Variants in ZNRF1 observed in about 807,000 individuals in gnomAD.
The protein encoded by ZNRF1 is E3 ubiquitin-protein ligase ZNRF1.
In ZNRF1, 3 loss-of-function variants were observed where a neutral mutation model predicts 18.4. The ratio of observed to expected loss-of-function variants is 0.16; its 90% CI spans 0.07 to 0.42. The LOEUF (loss-of-function observed/expected upper bound fraction) is 0.42. Ranked by LOEUF, ZNRF1 falls within the 10% of genes least tolerant of loss-of-function variation. The pLI is 0.99. For synonymous variants in ZNRF1, 157 were observed against 144.2 expected, an observed-to-expected ratio of 1.09 and a Z score of -0.64; for missense variants, 310 against 329.8, an observed-to-expected ratio of 0.94 and a Z score of 0.47.
chr16:75,031,340 C>G (rs1001809717), intron 1 of ZNRF1, among the ~76,000 whole-genome samples: 1 of 152,052 alleles, frequency 6.6e-6, no homozygotes, highest in African/African-American at 2.4e-5. Context: ...CCATGTTGGT[C>G]AGGATGGTCT....
At chr16:75,019,491 C>T (rs919040396) in intron 1 of ZNRF1, among the ~76,000 whole-genome samples, 1 of 151,858 alleles carries the variant, frequency 6.6e-6, no homozygotes, top group Non-Finnish European at 1.5e-5. Context: ...CTGATTGTTT[C>T]GTTTTTATTT....
In ZNRF1 at chr16:75,108,304, A is replaced by C. The variant is rs2036341149; in HGVS notation, c.*604A>C. The C allele has an allele frequency of 3.0e-6, 1 of 332,730 alleles. No homozygotes were observed. Among genetic ancestry groups the C allele is most frequent in the East Asian group, 4.7e-5 (1 of 21,104 alleles). The allele number at this position is 332,730 out of a possible 1,614,324, so 20.6% of individuals were successfully genotyped here. ...CTAATATCTTGACTTCATTGCCAAA[A>C]AACAACCCATTGAGAACTTTCTTCC... On this transcript the variant is annotated 3_prime_UTR_variant, in exon 5 of 5. Transcript: ENST00000335325.
chr16:75,026,228 C>T (rs2035222194), intron 1 of ZNRF1, among the ~76,000 whole-genome samples: 1 of 151,784 alleles, frequency 6.6e-6, no homozygotes, highest in African/African-American at 2.4e-5. Context: ...TAAAATATTC[C>T]TAAAAAAGAA....
chr16:75,056,162 T>C (rs906164486), intron 1 of ZNRF1, among the ~76,000 whole-genome samples: 2 of 152,208 alleles, frequency 1.3e-5, no homozygotes, highest in African/African-American at 4.8e-5. Flanking sequence ...AGTTTGAAGT[T>C]TAAGGATCCA....
chr16:75,060,445 C>T (rs576086551), intron 1 of ZNRF1, among the ~76,000 whole-genome samples: 2 of 148,312 alleles, frequency 1.3e-5, no homozygotes, highest in East Asian at 2.1e-4. Context: ...ACCATGAAAT[C>T]CACCCTAGCA....
chr16:75,079,266 G>A (rs923151024), intron 1 of ZNRF1, among the ~76,000 whole-genome samples: 1 of 152,140 alleles, frequency 6.6e-6, no homozygotes, highest in Non-Finnish European at 1.5e-5. Context: ...CGGATCACAA[G>A]GTCAAAAGAT....
At position 75,022,086 on chromosome 16, in the gene ZNRF1, G is replaced by A. The variant is rs117137605; in HGVS notation, c.424+21991G>A. 1.6e-4 allele frequency among the ~76,000 whole-genome samples: 24 copies of A among 152,104 alleles called. No individual in the cohort carries two copies. The East Asian group carries it at 3.3e-3, about 21-fold the overall frequency. Reference sequence around the variant, plus strand: ...TTCCGTCCGTCCATCCATCCGTCTCGCTCTGTTGCTCACGCTGGAGTGGGC... The same window carrying A: ...TTCCGTCCGTCCATCCATCCGTCTCACTCTGTTGCTCACGCTGGAGTGGGC... On this transcript the variant is annotated intron_variant, in intron 1 of 4. Coordinates refer to ENST00000335325, the MANE Select transcript of ZNRF1 (RefSeq NM_032268.5).
intron 1 of ZNRF1, among the ~76,000 whole-genome samples, chr16:75,018,564 GC>G (rs1307408426): frequency 4.0e-5 from 6 of 151,804 alleles, no homozygotes; most frequent in Non-Finnish European, 8.8e-5. Context: ...TTGGTATATT[GC>G]CTTTATTCTC....
At chr16:75,021,931 TG>T (rs1342953609) in intron 1 of ZNRF1, among the ~76,000 whole-genome samples, 2 of 152,358 alleles carry the variant, frequency 1.3e-5, no homozygotes, top group East Asian at 3.9e-4. Context: ...TCCCTCCTTT[TG>T]AAAATCCTAG....
intron 1 of ZNRF1, among the ~76,000 whole-genome samples, chr16:75,013,954 C>T (rs1007271762): frequency 2.0e-5 from 3 of 151,928 alleles, no homozygotes; most frequent in Admixed American, 2.0e-4. Flanking sequence ...CTCAGCCTCC[C>T]GAGTAGTTGG....
rs188579306 is a variant in ZNRF1 at position 75,013,366 on chromosome 16, G to A, written c.424+13271G>A. On this transcript the variant is annotated intron_variant, in intron 1 of 4. Transcript: ENST00000335325. ...TCCATTCAATTTTTTTTTTTTTTCC[G>A]AGATGGAGTCTCACTCTGTCGCCAG... Among the ~76,000 whole-genome samples the A allele has an allele frequency of 7.6e-3, 1,101 of 145,294 alleles. 12 individuals carry two copies. Among genetic ancestry groups the A allele is most frequent in the African/African-American group, 0.028 (1,065 of 37,846 alleles).
At chr16:75,065,509 G>A (rs1284890839) in intron 1 of ZNRF1, among the ~76,000 whole-genome samples, 1 of 152,180 alleles carries the variant, frequency 6.6e-6, no homozygotes, top group African/African-American at 2.4e-5. Context: ...GGGGCGACTT[G>A]TTTTTAATTA....
chr16:75,031,894 T>A (rs1320489603), intron 1 of ZNRF1, among the ~76,000 whole-genome samples: 1 of 152,098 alleles, frequency 6.6e-6, no homozygotes, highest in Non-Finnish European at 1.5e-5. Flanking sequence ...GTAACTTTAA[T>A]TGAATCTTTT....
Position 74,999,601 on chromosome 16 carries a change from TC to T in ZNRF1, c.-66del. 8.8e-7 allele frequency: 1 copy of T among 1,131,064 alleles called. No homozygotes were observed. Among genetic ancestry groups the T allele is most frequent in the Non-Finnish European group, 1.1e-6 (1 of 879,190 alleles). 70.1% of individuals were successfully genotyped at this position (1,131,064 alleles called of 1,614,324 possible). ...CTCCCCCTTTATGCTCGCCCAGCCC[TC>T]CCCCTGCTGCTGAGAAGTGGGGGAG... On this transcript the variant is annotated 5_prime_UTR_variant, in exon 1 of 5. The change abolishes the stop of an existing upstream ORF in the 5' untranslated region. Coordinates refer to ENST00000335325, the MANE Select transcript of ZNRF1 (RefSeq NM_032268.5).
intron 1 of ZNRF1, among the ~76,000 whole-genome samples, chr16:75,020,029 A>C (rs564076473): frequency 6.6e-6 from 1 of 152,234 alleles, no homozygotes; most frequent in South Asian, 2.1e-4. Flanking sequence ...TTGATTTAAC[A>C]ATTCCAGAGA....
intron 1 of ZNRF1, among the ~76,000 whole-genome samples, chr16:75,035,256 A>C (rs767240649): frequency 2.2e-4 from 33 of 151,658 alleles, no homozygotes; most frequent in Non-Finnish European, 3.7e-4. Context: ...CTGGTCTCCA[A>C]CTCCTGGGCT....
chr16:75,000,210 C>T, intron 1 of ZNRF1, 115 bp downstream of exon 1: 3 of 1,411,830 alleles, frequency 2.1e-6, no homozygotes, highest in South Asian at 1.2e-5. Context: ...GTCTGCATTC[C>T]CTTTGGTTCC....
intron 1 of ZNRF1, among the ~76,000 whole-genome samples, chr16:75,013,256 T>C (rs1278367782): frequency 1.3e-5 from 2 of 152,146 alleles, no homozygotes; most frequent in Non-Finnish European, 2.9e-5. Context: ...GAGTAAGAAT[T>C]ACTTCTCTGT....
intron 1 of ZNRF1, among the ~76,000 whole-genome samples, chr16:75,031,191 G>T (rs1169476331): frequency 6.6e-6 from 1 of 150,764 alleles, no homozygotes; most frequent in Non-Finnish European, 1.5e-5. Context: ...GAGTGAACTG[G>T]CACGATCTTG....
Sources: gnomAD v4.1 joint callset for allele counts (sites outside exome capture counted in the v4.1 genomes callset) on GRCh38, gnomAD v4.1.1 for gene constraint, MANE v1.5 for transcripts, NCBI Gene and HGNC (gene_info 2026-07-23, HGNC 2026-07-21) for gene names.